The following GPR89B variants were observed in gnomAD, a reference collection of about 807,000 sequenced individuals.
GPR89B encodes the protein golgi pH regulator B, also known as G protein-coupled receptor 89B.
In GPR89B, 25 loss-of-function variants were observed where a neutral mutation model predicts 52.4. The observed-to-expected ratio is 0.48, with a 90% confidence interval of 0.35 to 0.67. The LOEUF (loss-of-function observed/expected upper bound fraction) is 0.67, where lower values mean the gene tolerates loss of function less well. Among genes scored for constraint, GPR89B ranks in the 30% least tolerant of loss-of-function variants. The probability of loss-of-function intolerance (pLI) is 0.01; values close to 1 mark genes in which losing one functional copy is unlikely to be tolerated. For synonymous variants in GPR89B, 52 were observed against 151.2 expected (o/e 0.34, Z 4.81); for missense variants, 146 against 450.2 (o/e 0.32, Z 6.11).
At chr1:147,958,072 A>G (rs1250544111) in intron 7 of GPR89B, among the ~76,000 whole-genome samples, 9 of 150,640 alleles carry the variant, frequency 6.0e-5, no homozygotes, top group African/African-American at 2.2e-4. Context: ...TCAAAAAAGA[A>G]AAAAAAAAAG....
At chr1:148,018,310 T>C in the GPR89B span, among the ~76,000 whole-genome samples, 1 of 143,768 alleles carries the variant, frequency 7.0e-6, no homozygotes, top group Admixed American at 6.8e-5. Flanking sequence ...TCCCAGCTAC[T>C]CCTGAGATTG....
the GPR89B span, among the ~76,000 whole-genome samples, chr1:148,001,981 T>C: frequency 6.6e-6 from 1 of 151,932 alleles, no homozygotes; most frequent in African/African-American, 2.4e-5. Flanking sequence ...TTTGAATATA[T>C]TTGTATATAC....
At chr1:147,953,047 T>C (rs1655845462) in intron 5 of GPR89B, among the ~76,000 whole-genome samples, 1 of 149,678 alleles carries the variant, frequency 6.7e-6, no homozygotes, top group Non-Finnish European at 1.5e-5. Context: ...TTTGCTTTGT[T>C]AGCATTCATG....
At position 147,968,109 on chromosome 1, in the gene GPR89B, T is replaced by A. The variant is rs2784366; in HGVS notation, c.728-766T>A. 7 of 359,794 alleles carry A rather than the reference T, an allele frequency of 1.9e-5. No individual in the cohort carries two copies. In the Admixed American group the frequency reaches 2.6e-4, roughly 14 times the overall value. 22.3% of individuals were successfully genotyped at this position (359,794 alleles called of 1,614,324 possible). A position where few individuals can be genotyped will look rare whatever the true frequency, so the allele number is the denominator to read the frequency against. On this transcript the variant is annotated intron_variant, in intron 8 of 13. Coordinates refer to ENST00000314163, the MANE Select transcript of GPR89B (RefSeq NM_016334.5). ...TAAAAGTTCATAAAAGCCAATAATA[T>A]GGGTTTGAGCTGTGTTAGTGATGAG...
At chr1:147,971,035 A>G (rs1371618124) in intron 10 of GPR89B, among the ~76,000 whole-genome samples, 2 of 151,558 alleles carry the variant, frequency 1.3e-5, no homozygotes, top group Non-Finnish European at 2.9e-5. Flanking sequence ...TGTCAATAAT[A>G]CTCAGATGAC....
Position 147,992,585 on chromosome 1 carries a change from C to A in GPR89B, c.1161+18C>A, listed in dbSNP as rs1367853947. On this transcript the variant is annotated intron_variant, in intron 13 of 13. Coordinates refer to ENST00000314163, the MANE Select transcript of GPR89B (RefSeq NM_016334.5). ...AGATAATGGTAAGTTTAATTAGTTA[C>A]CTTTATGTTGACAGCTGTAAAATAT... 36 of 1,611,548 alleles carry A rather than the reference C, an allele frequency of 2.2e-5. No individual in the cohort carries two copies. In the South Asian group the frequency reaches 3.7e-4, roughly 17 times the overall value.
At chr1:147,971,632 A>G (rs1349864775) in intron 10 of GPR89B, among the ~76,000 whole-genome samples, 1 of 151,182 alleles carries the variant, frequency 6.6e-6, no homozygotes, top group Non-Finnish European at 1.5e-5. Flanking sequence ...GTGTGCCACA[A>G]CGCAAAATAC....
At chr1:147,991,640 T>G (rs1463177662) in intron 12 of GPR89B, among the ~76,000 whole-genome samples, 1 of 151,974 alleles carries the variant, frequency 6.6e-6, no homozygotes, top group Non-Finnish European at 1.5e-5. Context: ...CCTAATTTAT[T>G]GAGTTTTTAG....
At chr1:148,021,670 TGAA>T in the GPR89B span, among the ~76,000 whole-genome samples, 5 of 151,584 alleles carry the variant, frequency 3.3e-5, no homozygotes, top group Non-Finnish European at 7.4e-5. Flanking sequence ...CTCGGCAAAA[TGAA>T]GAATGGGCCC....
the GPR89B span, among the ~76,000 whole-genome samples, chr1:148,008,984 C>T: frequency 1.3e-5 from 2 of 152,132 alleles, no homozygotes; most frequent in Non-Finnish European, 2.9e-5. Flanking sequence ...ATTTTTCTTG[C>T]CTTTTATTCC....
intron 8 of GPR89B, 74 bp from the exon 9 acceptor site, chr1:147,968,801 A>G (rs2149076271): frequency 1.2e-6 from 2 of 1,611,992 alleles, no homozygotes; most frequent in East Asian, 2.2e-5. Context: ...GGAAAAACTA[A>G]AAGTATATGC....
At chr1:148,009,580 C>A in the GPR89B span, 2 of 1,505,728 alleles carry the variant, frequency 1.3e-6, no homozygotes, top group Admixed American at 3.5e-5. Flanking sequence ...CTCTTTCTGA[C>A]CAGATCCACA....
chr1:148,009,758 A>T, the GPR89B span, among the ~76,000 whole-genome samples: 1 of 152,136 alleles, frequency 6.6e-6, no homozygotes, highest in African/African-American at 2.4e-5. Context: ...CTGCCCTCCC[A>T]AGATCCAGGT....
the GPR89B span, among the ~76,000 whole-genome samples, chr1:148,020,569 G>T: frequency 0.078 from 11,199 of 143,904 alleles, 644 homozygotes; most frequent in African/African-American, 0.15. Context: ...TGCCCTGTGG[G>T]TTTTACATTT....
intron 1 of GPR89B, among the ~76,000 whole-genome samples, chr1:147,935,056 A>T (rs1228419769): frequency 6.6e-6 from 1 of 152,060 alleles, no homozygotes; most frequent in African/African-American, 2.4e-5. Flanking sequence ...TATTTAAATC[A>T]CACATTACAA....
chr1:147,942,025 A>G lies in GPR89B; in HGVS notation c.207-1413A>G, dbSNP rs368713171. Among the ~76,000 whole-genome samples, 16 of 150,968 alleles carry G rather than the reference A, an allele frequency of 1.1e-4. No individual in the cohort carries two copies. The East Asian group carries it at 2.0e-3, about 19-fold the overall frequency. On this transcript the variant is annotated intron_variant, in intron 3 of 13. Coordinates refer to ENST00000314163, the MANE Select transcript of GPR89B (RefSeq NM_016334.5). ...GACACCATCAAGAAAGTGAACCAAC[A>G]TTCCAAAAACAAGAGAAAATTTTTA...
At chr1:147,946,803 C>T (rs1655010304) in intron 5 of GPR89B, among the ~76,000 whole-genome samples, 1 of 152,040 alleles carries the variant, frequency 6.6e-6, no homozygotes, top group Non-Finnish European at 1.5e-5. Flanking sequence ...CTGAAAAGGA[C>T]ACTGAGGGAG....
chr1:147,977,304 G>C (rs1183061733), intron 10 of GPR89B, among the ~76,000 whole-genome samples: 1 of 149,634 alleles, frequency 6.7e-6, no homozygotes, highest in Non-Finnish European at 1.5e-5. Flanking sequence ...CTGGCTTATA[G>C]GGTTTCCACT....
intron 1 of GPR89B, among the ~76,000 whole-genome samples, chr1:147,933,571 T>TTTCC (rs1653828621): frequency 6.6e-6 from 1 of 151,904 alleles, no homozygotes. Context: ...AGCTCATCAT[T>TTTCC]TTCCCCATCC....
Sources: gnomAD v4.1 joint callset for allele counts (sites outside exome capture counted in the v4.1 genomes callset) on GRCh38, gnomAD v4.1.1 for gene constraint, MANE v1.5 for transcripts, NCBI Gene and HGNC (gene_info 2026-07-23, HGNC 2026-07-21) for gene names.